SGCZ: variants seen among roughly 807,000 people sequenced by gnomAD.
SGCZ encodes sarcoglycan zeta.
In SGCZ, 40 loss-of-function variants were observed where a neutral mutation model predicts 41.3. The ratio of observed to expected loss-of-function variants is 0.97; its 90% CI spans 0.75 to 1.26. The LOEUF (loss-of-function observed/expected upper bound fraction) is 1.26, where lower values mean the gene tolerates loss of function less well. SGCZ is among the 50% of genes most tolerant of loss of function. The pLI is 0.00. For missense variants in SGCZ, 552 were observed against 369.8 expected (o/e 1.49, Z -4.04); for synonymous variants, 206 against 137.5 (o/e 1.50, Z -3.49).
intron 1 of SGCZ, among the ~76,000 whole-genome samples, chr8:15,040,764 G>C (rs1025881987): frequency 1.3e-5 from 2 of 152,128 alleles, no homozygotes; most frequent in African/African-American, 2.4e-5. Flanking sequence ...ACTGGAAAAA[G>C]TCACGTCACT....
At chr8:15,017,760 C>T (rs1289324109) in intron 1 of SGCZ, among the ~76,000 whole-genome samples, 2 of 152,166 alleles carry the variant, frequency 1.3e-5, no homozygotes, top group Non-Finnish European at 2.9e-5. Context: ...CCTCCCTCAG[C>T]CTCTCAAAGT....
intron 1 of SGCZ, among the ~76,000 whole-genome samples, chr8:14,562,679 G>A (rs548455700): frequency 1.3e-5 from 2 of 152,162 alleles, no homozygotes; most frequent in South Asian, 4.1e-4. Flanking sequence ...AAGAAGTAGA[G>A]ACAGCAAATG....
At chr8:14,615,662 A>G (rs1806075980) in intron 1 of SGCZ, among the ~76,000 whole-genome samples, 1 of 152,196 alleles carries the variant, frequency 6.6e-6, no homozygotes. Context: ...TCTTTGTCAG[A>G]CAAAATTGTA....
intron 3 of SGCZ, chr8:14,319,524 G>T (rs993566663): frequency 7.2e-5 from 11 of 151,942 alleles, no homozygotes; most frequent in African/African-American, 2.4e-4. Flanking sequence ...CCCCATGCAG[G>T]TAAATAAAAC....
chr8:14,304,867 T>C (rs994071828), intron 3 of SGCZ, among the ~76,000 whole-genome samples: 1 of 152,172 alleles, frequency 6.6e-6, no homozygotes, highest in African/African-American at 2.4e-5. Context: ...TATAATTTGG[T>C]TACATTACAG....
intron 1 of SGCZ, among the ~76,000 whole-genome samples, chr8:15,052,226 G>T (rs981959098): frequency 1.3e-5 from 2 of 152,174 alleles, no homozygotes; most frequent in African/African-American, 4.8e-5. Context: ...CTAACCTTAG[G>T]TATGCAAGGA....
intron 1 of SGCZ, among the ~76,000 whole-genome samples, chr8:14,875,555 C>G (rs960128995): frequency 6.6e-6 from 1 of 152,062 alleles, no homozygotes; most frequent in South Asian, 2.1e-4. Flanking sequence ...ACGAAAAGCA[C>G]GTGTTAAGAG....
chr8:14,879,812 A>C (rs1309868331), intron 1 of SGCZ: 2 of 151,762 alleles, frequency 1.3e-5, no homozygotes, highest in African/African-American at 2.4e-5. Context: ...AAAAAAAAAA[A>C]AGTTGGGTTT....
intron 1 of SGCZ, among the ~76,000 whole-genome samples, chr8:15,012,586 A>ATATATATATTATATAAAT (rs1563436034): frequency 1.1e-4 from 6 of 53,516 alleles, no homozygotes; most frequent in African/African-American, 2.6e-4. Flanking sequence ...TTTATATAAC[A>ATATATATATTATATAAAT]TATAAATATA....
At chr8:14,297,436 A>G (rs994608577) in intron 3 of SGCZ, among the ~76,000 whole-genome samples, 7 of 152,112 alleles carry the variant, frequency 4.6e-5, no homozygotes, top group Non-Finnish European at 1.0e-4. Context: ...GACATAATTA[A>G]AAAAAGGGAA....
intron 1 of SGCZ, among the ~76,000 whole-genome samples, chr8:15,197,920 A>G (rs560428314): frequency 1.5e-4 from 22 of 150,986 alleles, no homozygotes; most frequent in African/African-American, 5.1e-4. Context: ...ATATATAGAT[A>G]CACATACACC....
intron 1 of SGCZ, among the ~76,000 whole-genome samples, chr8:14,635,368 T>A (rs1806795002): frequency 6.6e-6 from 1 of 151,946 alleles, no homozygotes; most frequent in Non-Finnish European, 1.5e-5. Context: ...TTAGCAATGA[T>A]CTCACTTAAT....
At chr8:14,776,358 C>A (rs904412596) in intron 1 of SGCZ, among the ~76,000 whole-genome samples, 5 of 152,026 alleles carry the variant, frequency 3.3e-5, no homozygotes, top group Admixed American at 1.3e-4. Flanking sequence ...TTCCCCTGCA[C>A]ACACTCTCTT....
At position 14,433,024 on chromosome 8, in the gene SGCZ, C is replaced by T. The variant is rs113915988; in HGVS notation, c.235-108820G>A. ...AAACTAAAGAAAAAAAACATTGTTT[C>T]TCAAACTTAAAAATGAAAAGCAAAC... On this transcript the variant is annotated intron_variant, in intron 2 of 7. Transcript: ENST00000382080. 2.0e-4 allele frequency among the ~76,000 whole-genome samples: 30 copies of T among 151,266 alleles called. 1 individual carries two copies. The highest frequency in any genetic ancestry group is 7.0e-4 in the African/African-American group (29 of 41,158).
At chr8:15,063,959 T>A (rs548894052) in intron 1 of SGCZ, among the ~76,000 whole-genome samples, 2 of 152,318 alleles carry the variant, frequency 1.3e-5, no homozygotes, top group East Asian at 1.9e-4. Context: ...AAAATGGTTA[T>A]CTTATTTTCT....
At chr8:15,123,981 G>C (rs544756904) in intron 1 of SGCZ, among the ~76,000 whole-genome samples, 1 of 152,322 alleles carries the variant, frequency 6.6e-6, no homozygotes, top group African/African-American at 2.4e-5. Context: ...ACATTGGACA[G>C]GTAGGCGGGG....
intron 4 of SGCZ, among the ~76,000 whole-genome samples, chr8:14,236,664 A>G (rs187314999): frequency 6.6e-6 from 1 of 151,460 alleles, no homozygotes; most frequent in Non-Finnish European, 1.5e-5. Flanking sequence ...CTCTCTCTCT[A>G]TATATATGTG....
intron 5 of SGCZ, among the ~76,000 whole-genome samples, chr8:14,148,388 G>T (rs555055444): frequency 3.9e-4 from 59 of 152,114 alleles, no homozygotes; most frequent in African/African-American, 1.3e-3. Context: ...AACGTCATTA[G>T]TAGTTACTAT....
chr8:14,239,022 A>G (rs1331831643), intron 3 of SGCZ, among the ~76,000 whole-genome samples: 1 of 151,392 alleles, frequency 6.6e-6, no homozygotes, highest in Non-Finnish European at 1.5e-5. Flanking sequence ...TTAAAAGAAA[A>G]AAAAGTCTAG....
Sources: allele counts gnomAD v4.1 joint callset (sites outside exome capture counted in the v4.1 genomes callset), GRCh38; gene constraint gnomAD v4.1.1; transcripts MANE v1.5; gene names NCBI Gene and HGNC (gene_info 2026-07-23, HGNC 2026-07-21).